The following CASKIN1 variants were observed in gnomAD, a reference collection of about 807,000 sequenced individuals.
The protein encoded by CASKIN1 is CASK interacting protein 1, also known as caskin-1.
In CASKIN1, 42 loss-of-function variants were observed where a neutral mutation model predicts 117.5. That is an observed-to-expected ratio of 0.36 (90% CI 0.28 to 0.46). The LOEUF is 0.46. CASKIN1 is among the 20% of genes least tolerant of loss of function. The pLI, the probability that CASKIN1 is intolerant of heterozygous loss-of-function variation, is 1.00. For missense variants in CASKIN1, 2,083 were observed against 2,077.3 expected (o/e 1.00, Z -0.05); for synonymous variants, 1,148 against 961.7 (o/e 1.19, Z -3.59).
Position 2,179,520 on chromosome 16 carries a change from A to T in CASKIN1, c.3775+73T>A. The T allele has an allele frequency of 7.2e-7, 1 of 1,397,432 alleles. No individual in the cohort carries two copies. Among genetic ancestry groups the T allele is most frequent in the South Asian group, 1.5e-5 (1 of 65,060 alleles). 86.6% of individuals were successfully genotyped at this position (1,397,432 alleles called of 1,614,324 possible). ...CTTCCATCAAACCCAAGAAAAGGAA[A>T]ACCCCTCAGACCACCGAGTAAGGAG... On this transcript the variant is annotated intron_variant, in intron 18 of 19. Coordinates refer to ENST00000343516, the MANE Select transcript of CASKIN1 (RefSeq NM_020764.4). This position sits in a 1 kb window ranked among gnomAD's most constrained non-coding sequence, Gnocchi z 5.8.
intron 1 of CASKIN1, among the ~76,000 whole-genome samples, chr16:2,190,972 C>A (rs557300219): frequency 6.6e-6 from 1 of 152,162 alleles, no homozygotes; most frequent in Non-Finnish European, 1.5e-5. Context: ...CCTGGCGACT[C>A]GGAGCACCTG....
At chr16:2,188,554 T>C (rs2141323738) in intron 6 of CASKIN1, among the ~76,000 whole-genome samples, 1 of 152,242 alleles carries the variant, frequency 6.6e-6, no homozygotes, top group East Asian at 1.9e-4. Context: ...TCTTGACATG[T>C]TGCCCAGGCT....
rs866410403 is a variant in CASKIN1, at chr16:2,180,045, G to A, written c.3323C>T (p.Ala1108Val). 9 of 1,589,808 alleles carry A rather than the reference G, an allele frequency of 5.7e-6. No homozygotes were observed. Among genetic ancestry groups the A allele is most frequent in the African/African-American group, 4.0e-5 (3 of 74,148 alleles). Residue 1108 changes from alanine to valine, a missense_variant, in exon 18 of 20, where the codon GCG becomes GTG. Ala to Val is a moderately conservative substitution (Grantham distance 64). Around this residue, in one of 3 missense-constraint regions of CASKIN1, gnomAD observed 1,818 missense variants for 1,688.9 expected, o/e 1.08. Coordinates refer to ENST00000343516, the MANE Select transcript of CASKIN1 (RefSeq NM_020764.4). The part of the protein sequence containing the change: ...QRPRGPSKGE[A>V]GVEGPPLAKV... The stretch of plus-strand genomic sequence containing the variant: ...GGCCAAGGGCGGGCCTTCGACACCC[G>A]CCTCGCCCTTGGAGGGACCCCGAGG...
chr16:2,195,367 G>GT (rs962764743), intron 1 of CASKIN1, among the ~76,000 whole-genome samples: 3 of 152,206 alleles, frequency 2.0e-5, no homozygotes, highest in African/African-American at 7.2e-5. Context: ...GTCTGTGGGG[G>GT]TGGAGGGAGG....
At chr16:2,181,706 CGGGGCT>C (rs1162186846) in intron 17 of CASKIN1, 79 bp downstream of exon 17, 1 of 179,596 alleles carries the variant, frequency 5.6e-6, no homozygotes, top group Non-Finnish European at 8.5e-6. Flanking sequence ...GGGGCTGGGG[CGGGGCT>C]GGGGCTGGGC....
In CASKIN1 at chr16:2,178,586, G is replaced by A. The variant is rs1396476362; in HGVS notation, c.4260C>T (p.Asp1420=). Residue 1420 remains aspartate, a synonymous_variant, in exon 20 of 20, where the codon GAC becomes GAT. Coordinates refer to ENST00000343516, the MANE Select transcript of CASKIN1 (RefSeq NM_020764.4). ...SILDDIGSMF[D]DLADQLDAML... is the part of the protein sequence containing the mutation. ...TGGCATCCAGCTGGTCGGCCAGGTC[G>A]TCGAACATGCTGCCGATGTCGTCCA... The A allele has an allele frequency of 6.3e-7, 1 of 1,597,516 alleles. No homozygotes were observed. Among genetic ancestry groups the A allele is most frequent in the Non-Finnish European group, 8.5e-7 (1 of 1,176,278 alleles).
In CASKIN1 at chr16:2,185,210, A is replaced by G; in HGVS notation, c.1151-11T>C. ...CGCTTCGGTCCCCACCTGCCAGCAC[A>G]AGGGAGCAAGATGAGGCCAGTGCCG... On this transcript the variant is annotated splice_polypyrimidine_tract_variant and intron_variant, in intron 11 of 19. Transcript: ENST00000343516. 1.9e-6 allele frequency: 3 copies of G among 1,611,506 alleles called. No individual in the cohort carries two copies. Among genetic ancestry groups the G allele is most frequent in the Non-Finnish European group, 2.5e-6 (3 of 1,179,292 alleles).
At chr16:2,188,047 C>CT (rs34355622) in intron 6 of CASKIN1, among the ~76,000 whole-genome samples, 63,517 of 135,818 alleles carry the variant, frequency 0.47, 14,765 homozygotes, top group East Asian at 0.53. Context: ...CCATTCCCAG[C>CT]TTTTTTTTTT....
In CASKIN1 at chr16:2,180,714, C is replaced by T; in HGVS notation, c.2654G>A (p.Arg885His). Residue 885 changes from arginine to histidine, a missense_variant, in exon 18 of 20, where the codon CGC becomes CAC. By Grantham distance (29) the Arg-to-His change is conservative. Around this residue, in one of 3 missense-constraint regions of CASKIN1, gnomAD observed 1,818 missense variants for 1,688.9 expected, o/e 1.08. Transcript: ENST00000343516. ...CGGCTCGCTGTCGGACGCCGCATAG[C>T]GATTCAGGCTGTGGGCCCGCTTCTT... ...RPKKRAHSLNRYAASDSEPER... is the reference protein window; with the variant it reads ...RPKKRAHSLNHYAASDSEPER... 6.8e-7 allele frequency: 1 copy of T among 1,469,614 alleles called. No homozygotes were observed. The highest frequency in any genetic ancestry group is 8.9e-7 in the Non-Finnish European group (1 of 1,117,548). 91.0% of individuals were successfully genotyped at this position (1,469,614 alleles called of 1,614,324 possible). A position where few individuals can be genotyped will look rare whatever the true frequency, so the allele number is the denominator to read the frequency against.
At position 2,179,556 on chromosome 16, in the gene CASKIN1, G is replaced by A. The variant is rs1184532799; in HGVS notation, c.3775+37C>T. 1.4e-6 allele frequency: 2 copies of A among 1,421,700 alleles called. No individual in the cohort carries two copies. Among genetic ancestry groups the A allele is most frequent in the East Asian group, 2.6e-5 (1 of 38,278 alleles). The allele number at this position is 1,421,700 out of a possible 1,614,324, so 88.1% of individuals were successfully genotyped here. A position where few individuals can be genotyped will look rare whatever the true frequency, so the allele number is the denominator to read the frequency against. The stretch of plus-strand genomic sequence containing the variant: ...CCACCGAGTAAGGAGGTGGAGCAGG[G>A]TCCTGTTGCCCCTTCACCCCACCCT... On this transcript the variant is annotated intron_variant, in intron 18 of 19. Coordinates refer to ENST00000343516, the MANE Select transcript of CASKIN1 (RefSeq NM_020764.4). The surrounding 1 kb of genome is among the most constrained non-coding windows in gnomAD (Gnocchi z 5.8).
rs1250891312 is a variant in CASKIN1 at position 2,188,453 on chromosome 16, T to C, written c.617+574A>G. Among the ~76,000 whole-genome samples, 3 of 151,826 alleles carry C rather than the reference T, an allele frequency of 2.0e-5. No homozygotes were observed. The East Asian group carries it at 5.8e-4, about 30-fold the overall frequency. ...GCAACCTCAACCTCATGGGCTCAAG[T>C]GATTCTCCTGCCTTAGCTTCCCAAG... On this transcript the variant is annotated intron_variant, in intron 6 of 19. Coordinates refer to ENST00000343516, the MANE Select transcript of CASKIN1 (RefSeq NM_020764.4).
In CASKIN1 at chr16:2,184,800, G is replaced by A. The variant is rs776661093; in HGVS notation, c.1393C>T (p.Leu465=). Reference sequence around the variant, plus strand: ...ACCTTGCCCTCCGATGCTGGCTCCAGCTTCTTGGGCGGCTGCTCCCCATAG... The same window carrying A: ...ACCTTGCCCTCCGATGCTGGCTCCAACTTCTTGGGCGGCTGCTCCCCATAG... ...QVYGEQPPKK[L]EPASEGKSSE... The change falls in exon 14 of 20, where the codon CTG becomes TTG. Residue 465 remains leucine (L), a synonymous_variant. Coordinates refer to ENST00000343516, the MANE Select transcript of CASKIN1 (RefSeq NM_020764.4). 6.5e-7 allele frequency: 1 copy of A among 1,532,760 alleles called. No individual in the cohort carries two copies. Among genetic ancestry groups the A allele is most frequent in the South Asian group, 1.3e-5 (1 of 79,378 alleles). 94.9% of individuals were successfully genotyped at this position (1,532,760 alleles called of 1,614,324 possible). A position where few individuals can be genotyped will look rare whatever the true frequency, so the allele number is the denominator to read the frequency against.
At chr16:2,185,463 G>A (rs989431435) in intron 10 of CASKIN1, 55 bp from the exon 11 acceptor site, 15 of 1,416,046 alleles carry the variant, frequency 1.1e-5, no homozygotes, top group East Asian at 2.4e-5. Flanking sequence ...GGGTACTGAC[G>A]CAGGGGAGGC....
Position 2,189,095 on chromosome 16 carries a change from G to A in CASKIN1, c.549C>T (p.Asp183=), listed in dbSNP as rs775344580. Residue 183 remains aspartate, a synonymous_variant, in exon 6 of 20, where the codon GAC becomes GAT. Transcript: ENST00000343516. ...CAALLEPRPG[D]ATDPNGTSPL... is the part of the protein sequence containing the mutation. ...GGCTGGTGCCGTTGGGGTCGGTGGC[G>A]TCTCCCGGCCGGGGCTCCAGCAGCG... The A allele has an allele frequency of 3.3e-5, 53 of 1,613,572 alleles. No homozygotes were observed. Among genetic ancestry groups the A allele is most frequent in the African/African-American group, 1.5e-4 (11 of 75,026 alleles).
At position 2,177,441 on chromosome 16, in the gene CASKIN1, G is replaced by A. The variant is rs1033048267; in HGVS notation, c.*1109C>T. ...TTTTTAAATTTTTTTTTTAAGAAAC[G>A]TCAAAGTTGTGCCCAACACTGTGGA... On this transcript the variant is annotated 3_prime_UTR_variant, in exon 20 of 20. Coordinates refer to ENST00000343516, the MANE Select transcript of CASKIN1 (RefSeq NM_020764.4). The A allele has an allele frequency of 1.3e-5, 3 of 232,654 alleles. No individual in the cohort carries two copies. Among genetic ancestry groups the A allele is most frequent in the East Asian group, 6.1e-5 (1 of 16,458 alleles). The allele number at this position is 232,654 out of a possible 1,614,324, so 14.4% of individuals were successfully genotyped here. A position where few individuals can be genotyped will look rare whatever the true frequency, so the allele number is the denominator to read the frequency against.
In CASKIN1 at chr16:2,189,409, C is replaced by A; in HGVS notation, c.390+10G>T. 6.2e-7 allele frequency: 1 copy of A among 1,610,430 alleles called. No homozygotes were observed. Among genetic ancestry groups the A allele is most frequent in the Non-Finnish European group, 8.5e-7 (1 of 1,178,920 alleles). ...CCGCCCCCGCTGCCCCGCCCCCGCT[C>A]GGGCCTCACCACATCATAGTGACCA... On this transcript the variant is annotated intron_variant, in intron 4 of 19. Transcript: ENST00000343516.
At position 2,187,043 on chromosome 16, in the gene CASKIN1, T is replaced by C. The variant is rs759033302; in HGVS notation, c.865A>G (p.Thr289Ala). Residue 289 changes from threonine (T) to alanine (A), a missense_variant, in exon 9 of 20, where the codon ACC (threonine) becomes GCC (alanine). Around this residue, in one of 3 missense-constraint regions of CASKIN1, gnomAD observed 1,818 missense variants for 1,688.9 expected, o/e 1.08. Transcript: ENST00000343516. Reference protein sequence around the residue: ...EASAALQVRATKDYCNNYDLT... With the variant: ...EASAALQVRAAKDYCNNYDLT... ...TCGTAATTGTTGCAATAATCCTTGG[T>C]CGCCCGGACCTGCAGGGCCGCTGAG... is the stretch of plus-strand genomic sequence containing the variant. The C allele has an allele frequency of 1.9e-6, 3 of 1,613,544 alleles. No homozygotes were observed. Among genetic ancestry groups the C allele is most frequent in the Admixed American group, 3.3e-5 (2 of 60,002 alleles).
chr16:2,184,904 G>C (rs369719484), intron 13 of CASKIN1, 36 bp from the exon 14 acceptor site: 9 of 1,578,758 alleles, frequency 5.7e-6, no homozygotes, highest in Non-Finnish European at 7.8e-6. Flanking sequence ...AAGGGCTGTC[G>C]GGCTGCTTTC....
chr16:2,195,494 C>G (rs942189468), intron 1 of CASKIN1, among the ~76,000 whole-genome samples: 7 of 152,260 alleles, frequency 4.6e-5, no homozygotes, highest in Non-Finnish European at 1.0e-4. Flanking sequence ...CTGGTCCACA[C>G]GCCCATCCAT....
Sources: allele counts gnomAD v4.1 joint callset (sites outside exome capture counted in the v4.1 genomes callset), GRCh38; gene constraint gnomAD v4.1.1; regional missense constraint gnomAD v4.1.1; non-coding constraint Gnocchi (gnomAD v3.1); transcripts MANE v1.5; gene names NCBI Gene and HGNC (gene_info 2026-07-23, HGNC 2026-07-21).